The following EMID1 variants were observed in gnomAD, a reference collection of about 807,000 sequenced individuals.
EMID1 encodes EMI domain containing 1.
Under a neutral mutation model 60.6 loss-of-function variants are expected in EMID1, and 40 were observed. The observed-to-expected ratio is 0.66, with a 90% CI of 0.51 to 0.86. The LOEUF (loss-of-function observed/expected upper bound fraction) is 0.86, where lower values mean the gene tolerates loss of function less well. Among genes scored for constraint, EMID1 ranks in the 40% least tolerant of loss-of-function variants. The pLI is 0.00. For missense variants in EMID1, 585 were observed against 597.1 expected (o/e 0.98, Z 0.21); for synonymous variants, 242 against 231.0 (o/e 1.05, Z -0.43).
intron 5 of EMID1, among the ~76,000 whole-genome samples, chr22:29,229,307 C>T (rs2040641351): frequency 6.6e-6 from 1 of 152,022 alleles, no homozygotes; most frequent in Admixed American, 6.6e-5. Context: ...CCACTGCACT[C>T]TAGCCTGGAC....
At chr22:29,230,341 A>C (rs1408438540) in intron 5 of EMID1, among the ~76,000 whole-genome samples, 1 of 150,758 alleles carries the variant, frequency 6.6e-6, no homozygotes, top group Non-Finnish European at 1.5e-5. Flanking sequence ...TCTTGGAAAA[A>C]AAAAAAACAA....
chr22:29,218,412 C>T (rs1276124099), intron 3 of EMID1, among the ~76,000 whole-genome samples: 1 of 152,180 alleles, frequency 6.6e-6, no homozygotes, highest in African/African-American at 2.4e-5. Flanking sequence ...GGAGAAGGGG[C>T]TAGAATGGGC....
At chr22:29,211,914 T>G (rs369098454) in intron 1 of EMID1, among the ~76,000 whole-genome samples, 8 of 151,590 alleles carry the variant, frequency 5.3e-5, no homozygotes, top group African/African-American at 2.0e-4. Context: ...GAGCCACGAT[T>G]CACCGCAATT....
In EMID1 at chr22:29,233,614, G is replaced by A. The variant is rs1424489950; in HGVS notation, c.914G>A (p.Gly305Asp). 6.2e-7 allele frequency: 1 copy of A among 1,613,456 alleles called. No homozygotes were observed. The highest frequency in any genetic ancestry group is 1.7e-5 in the Admixed American group (1 of 59,986). ...CTTAGGACATCCTGTCTTTTTCCAGGTCCCCCTGGGCCTCCTGGCCCCACA... is the reference window on the plus strand; with the variant it reads ...CTTAGGACATCCTGTCTTTTTCCAGATCCCCCTGGGCCTCCTGGCCCCACA... ...TGPPGPPGPM[G>D]PPGPPGPTGV... Residue 305 changes from glycine to aspartate, a missense_variant and splice_region_variant, in exon 10 of 15, where the codon GGT (glycine) becomes GAT (aspartate). Gly to Asp is a moderately conservative substitution (Grantham distance 94). Coordinates refer to ENST00000334018, the MANE Select transcript of EMID1 (RefSeq NM_133455.4).
At chr22:29,210,957 AGT>A (rs142157348) in intron 1 of EMID1, among the ~76,000 whole-genome samples, 2 of 151,642 alleles carry the variant, frequency 1.3e-5, no homozygotes, top group South Asian at 4.2e-4. Flanking sequence ...ACATGTGAGA[AGT>A]GTGTGTGTGT....
At chr22:29,256,564 G>GCACT (rs1419037615) in intron 14 of EMID1, among the ~76,000 whole-genome samples, 2 of 151,988 alleles carry the variant, frequency 1.3e-5, no homozygotes, top group East Asian at 1.9e-4. Flanking sequence ...ACTGTAGGGA[G>GCACT]CACTCATTGA....
intron 7 of EMID1, chr22:29,231,938 C>T (rs2040765238): frequency 7.0e-6 from 4 of 572,714 alleles, no homozygotes; most frequent in Non-Finnish European, 1.2e-5. Context: ...AGACATGTCC[C>T]TGCCCTTCTG....
At chr22:29,208,419 G>T (rs926969723) in intron 1 of EMID1, among the ~76,000 whole-genome samples, 12 of 152,182 alleles carry the variant, frequency 7.9e-5, no homozygotes, top group Admixed American at 7.2e-4. Context: ...TGCCCCTGGG[G>T]CTGCTTCCTG....
chr22:29,206,080 C>T lies in EMID1; in HGVS notation c.42C>T (p.Leu14=), dbSNP rs993885211. Reference sequence around the variant, plus strand: ...CTTGGGCGCTGCTCTGCCTCGGGCTCCTGCTCCCGGGAGGCGGCGCTGCGT... The same window carrying T: ...CTTGGGCGCTGCTCTGCCTCGGGCTTCTGCTCCCGGGAGGCGGCGCTGCGT... The part of the protein sequence containing the change: ...PRAWALLCLG[L]LLPGGGAAWS... Residue 14 remains leucine, a synonymous_variant, in exon 1 of 15, where the codon CTC becomes CTT. Coordinates refer to ENST00000334018, the MANE Select transcript of EMID1 (RefSeq NM_133455.4). The T allele has an allele frequency of 1.3e-5, 16 of 1,230,430 alleles. No individual in the cohort carries two copies. The African/African-American group carries it at 1.9e-4, about 14-fold the overall frequency. The allele number at this position is 1,230,430 out of a possible 1,614,324, so 76.2% of individuals were successfully genotyped here. A position where few individuals can be genotyped will look rare whatever the true frequency, so the allele number is the denominator to read the frequency against.
At chr22:29,222,115 ATTTTTTT>A (rs1275556748) in intron 3 of EMID1, among the ~76,000 whole-genome samples, 1 of 151,940 alleles carries the variant, frequency 6.6e-6, no homozygotes, top group Non-Finnish European at 1.5e-5. Context: ...TGATTTTATT[ATTTTTTT>A]TAGATAGGGT....
In EMID1 at chr22:29,226,504, A is replaced by T. The variant is rs1173579130; in HGVS notation, c.418A>T (p.Ser140Cys). 1 of 1,611,944 alleles carries T rather than the reference A, an allele frequency of 6.2e-7. No homozygotes were observed. The highest frequency in any genetic ancestry group is 8.5e-7 in the Non-Finnish European group (1 of 1,178,974). ...PTAFSGCLNCSKVSELTERLK... is the reference protein window; with the variant it reads ...PTAFSGCLNCCKVSELTERLK... ...CCTCCCCGCAGGTTGTCTCAACTGCAGCAAAGTGTCAGAGCTGACAGAGCG... is the reference window on the plus strand; with the variant it reads ...CCTCCCCGCAGGTTGTCTCAACTGCTGCAAAGTGTCAGAGCTGACAGAGCG... The change falls in exon 5 of 15, where the codon AGC becomes TGC. Residue 140 changes from serine to cysteine, a missense_variant. Physicochemically the swap from Ser to Cys is moderately radical, Grantham distance 112. Coordinates refer to ENST00000334018, the MANE Select transcript of EMID1 (RefSeq NM_133455.4).
chr22:29,222,340 C>T (rs2040330090), intron 3 of EMID1, among the ~76,000 whole-genome samples: 1 of 151,950 alleles, frequency 6.6e-6, no homozygotes. Flanking sequence ...GCAATCTGCC[C>T]ACTTCAGCCT....
chr22:29,233,243 C>T lies in EMID1; in HGVS notation c.824-136C>T, dbSNP rs964778596. The T allele has an allele frequency of 6.0e-6, 5 of 831,842 alleles. No homozygotes were observed. The African/African-American group carries it at 6.7e-5, about 11-fold the overall frequency. The allele number at this position is 831,842 out of a possible 1,614,324, so 51.5% of individuals were successfully genotyped here. Reference sequence around the variant, plus strand: ...ACTCTCCACACTCCTCACCCTGGAGCAGGTGCCCAGGTGGTACCAGCCATG... The same window carrying T: ...ACTCTCCACACTCCTCACCCTGGAGTAGGTGCCCAGGTGGTACCAGCCATG... On this transcript the variant is annotated intron_variant, in intron 8 of 14. Coordinates refer to ENST00000334018, the MANE Select transcript of EMID1 (RefSeq NM_133455.4).
intron 5 of EMID1, among the ~76,000 whole-genome samples, chr22:29,227,925 G>C (rs1413091774): frequency 6.6e-6 from 1 of 151,894 alleles, no homozygotes; most frequent in Non-Finnish European, 1.5e-5. Flanking sequence ...GGAGGTCAAG[G>C]AGGGCGGATC....
intron 10 of EMID1, 80 bp from the exon 11 acceptor site, chr22:29,234,057 T>C: frequency 6.6e-7 from 1 of 1,511,920 alleles, no homozygotes; most frequent in Non-Finnish European, 8.9e-7. Flanking sequence ...TTGAGCGCCC[T>C]CCCCAACACC....
intron 12 of EMID1, 23 bp from the exon 13 acceptor site, chr22:29,243,422 G>A (rs2041221544): frequency 3.1e-6 from 5 of 1,612,902 alleles, no homozygotes; most frequent in Non-Finnish European, 4.2e-6. Context: ...CCTCACTGCT[G>A]CTATCTCTGT....
At position 29,222,820 on chromosome 22, in the gene EMID1, G is replaced by A. The variant is rs755540834; in HGVS notation, c.320-2313G>A. ...AAAAGTTTTATACATGGCCGGGCGC[G>A]ATGGCTTATGCCTATAATCCCAGCA... is the stretch of plus-strand genomic sequence containing the variant. On this transcript the variant is annotated intron_variant, in intron 3 of 14. Transcript: ENST00000334018. 5.3e-5 allele frequency among the ~76,000 whole-genome samples: 8 copies of A among 152,142 alleles called. No homozygotes were observed. In the East Asian group the frequency reaches 5.8e-4, roughly 11 times the overall value.
chr22:29,226,414 A>G, intron 4 of EMID1, 76 bp from the exon 5 acceptor site: 3 of 1,505,756 alleles, frequency 2.0e-6, no homozygotes, highest in African/African-American at 2.8e-5. Flanking sequence ...CTCCATCCCA[A>G]CCCCCAGAGA....
At chr22:29,227,075 TA>T (rs1331541129) in intron 5 of EMID1, among the ~76,000 whole-genome samples, 1 of 151,972 alleles carries the variant, frequency 6.6e-6, no homozygotes, top group Non-Finnish European at 1.5e-5. Context: ...TATTTCAAGA[TA>T]AAATGTTGTG....
Sources: allele counts gnomAD v4.1 joint callset (sites outside exome capture counted in the v4.1 genomes callset), GRCh38; gene constraint gnomAD v4.1.1; transcripts MANE v1.5; gene names NCBI Gene and HGNC (gene_info 2026-07-23, HGNC 2026-07-21).